ARNT2: variants seen among roughly 807,000 people sequenced by gnomAD.
ARNT2 encodes aryl hydrocarbon receptor nuclear translocator 2, also known as ARNT protein 2.
ARNT2 carries 36 observed loss-of-function variants against 91.7 expected under a neutral mutation model. The observed-to-expected ratio is 0.39, with a 90% CI of 0.30 to 0.52. The LOEUF (loss-of-function observed/expected upper bound fraction) is 0.52, where lower values mean the gene tolerates loss of function less well. ARNT2 is among the 20% of genes least tolerant of loss of function. The pLI, the probability that ARNT2 is intolerant of heterozygous loss-of-function variation, is 0.72. For synonymous variants in ARNT2, 365 were observed against 347.1 expected (o/e 1.05, Z -0.57); for missense variants, 775 against 939.3 (o/e 0.83, Z 2.29).
intron 3 of ARNT2, among the ~76,000 whole-genome samples, chr15:80,461,197 G>T (rs1359362627): frequency 1.3e-5 from 2 of 152,226 alleles, no homozygotes; most frequent in Non-Finnish European, 1.5e-5. Context: ...CCAATGTGAG[G>T]TGGCATCAAT....
rs182729913 is a variant in ARNT2 at position 80,453,129 on chromosome 15, C to T, written c.146+2135C>T. 7.2e-5 allele frequency among the ~76,000 whole-genome samples: 11 copies of T among 152,344 alleles called. No homozygotes were observed. In the East Asian group the frequency reaches 2.1e-3, roughly 29 times the overall value. ...TGTGCTTTCCTTCCCGGGTCACACA[C>T]ACAGCGTGGCACTGGAGGCAGATGT... is the stretch of plus-strand genomic sequence containing the variant. On this transcript the variant is annotated intron_variant, in intron 2 of 18. Coordinates refer to ENST00000303329, the MANE Select transcript of ARNT2 (RefSeq NM_014862.4).
At chr15:80,456,271 A>C (rs1421851987) in intron 2 of ARNT2, among the ~76,000 whole-genome samples, 1 of 89,362 alleles carries the variant, frequency 1.1e-5, no homozygotes, top group East Asian at 4.0e-4. Flanking sequence ...AGGCCCTTTA[A>C]CTGTACTTTT....
At chr15:80,505,796 GGAA>G (rs1250053794) in intron 5 of ARNT2, among the ~76,000 whole-genome samples, 2 of 152,134 alleles carry the variant, frequency 1.3e-5, no homozygotes, top group East Asian at 3.8e-4. Flanking sequence ...GCTTTGGACA[GGAA>G]GAAGAATTTG....
At chr15:80,474,611 C>T (rs1896774177) in intron 4 of ARNT2, among the ~76,000 whole-genome samples, 1 of 152,172 alleles carries the variant, frequency 6.6e-6, no homozygotes, top group South Asian at 2.1e-4. Context: ...TTCTATCTAG[C>T]ACCTTTTGTG....
intron 1 of ARNT2, among the ~76,000 whole-genome samples, chr15:80,422,734 CTAAG>C (rs987837940): frequency 6.7e-6 from 1 of 150,000 alleles, no homozygotes; most frequent in Non-Finnish European, 1.5e-5. Flanking sequence ...TAAACTTTTA[CTAAG>C]TAAGTATAAT....
chr15:80,520,730 T>C (rs1455858022), intron 8 of ARNT2, among the ~76,000 whole-genome samples: 1 of 152,174 alleles, frequency 6.6e-6, no homozygotes, highest in Admixed American at 6.5e-5. Context: ...TTTCATATAC[T>C]GACCATATTT....
intron 12 of ARNT2, among the ~76,000 whole-genome samples, chr15:80,571,167 A>G (rs1263772440): frequency 2.6e-5 from 4 of 152,218 alleles, no homozygotes; most frequent in Non-Finnish European, 4.4e-5. Context: ...CAGGCTTTTT[A>G]TAAGTATTTC....
chr15:80,569,546 A>C (rs1363441755), intron 12 of ARNT2, among the ~76,000 whole-genome samples: 2 of 152,168 alleles, frequency 1.3e-5, no homozygotes, highest in Non-Finnish European at 2.9e-5. Context: ...TCAGCTATGG[A>C]AGCAGAAACC....
Position 80,404,479 on chromosome 15 carries a change from G to A in ARNT2, c.-37G>A. Reference sequence around the variant, plus strand: ...CCGGGCTCCGCGCCGCCCCTCCCGCGCCCCTGCCAAGCGGGCGCCTATCCT... The same window carrying A: ...CCGGGCTCCGCGCCGCCCCTCCCGCACCCCTGCCAAGCGGGCGCCTATCCT... On this transcript the variant is annotated 5_prime_UTR_variant, in exon 1 of 19. Coordinates refer to ENST00000303329, the MANE Select transcript of ARNT2 (RefSeq NM_014862.4). This position sits in a 1 kb window ranked among gnomAD's most constrained non-coding sequence, Gnocchi z 5.5. The A allele has an allele frequency of 1.6e-6, 2 of 1,217,110 alleles. No homozygotes were observed. The highest frequency in any genetic ancestry group is 2.1e-6 in the Non-Finnish European group (2 of 959,388). 75.4% of individuals were successfully genotyped at this position (1,217,110 alleles called of 1,614,324 possible). A position where few individuals can be genotyped will look rare whatever the true frequency, so the allele number is the denominator to read the frequency against.
chr15:80,582,539 A>G (rs992606422), intron 17 of ARNT2, among the ~76,000 whole-genome samples: 3 of 151,900 alleles, frequency 2.0e-5, no homozygotes, highest in African/African-American at 4.8e-5. Flanking sequence ...CCCCTAGCAC[A>G]CAATGGGGAG....
At chr15:80,405,028 C>T (rs920499136) in intron 1 of ARNT2, among the ~76,000 whole-genome samples, 4 of 152,166 alleles carry the variant, frequency 2.6e-5, no homozygotes, top group African/African-American at 9.7e-5. Flanking sequence ...GCCCACTAAG[C>T]GCTGGTCCTT....
intron 4 of ARNT2, among the ~76,000 whole-genome samples, 154 bp downstream of exon 4, chr15:80,470,585 A>G (rs1896719490): frequency 6.6e-6 from 1 of 152,230 alleles, no homozygotes; most frequent in South Asian, 2.1e-4. Context: ...TGTCTTCAAA[A>G]GAGGGTTTGT....
chr15:80,508,066 G>A, intron 5 of ARNT2, 90 bp from the exon 6 acceptor site: 2 of 1,235,566 alleles, frequency 1.6e-6, no homozygotes, highest in Non-Finnish European at 2.3e-6. Flanking sequence ...TCATTTGGCA[G>A]AGCATTTGGA....
intron 14 of ARNT2, 39 bp from the exon 15 acceptor site, chr15:80,576,827 G>T: frequency 6.2e-7 from 1 of 1,610,130 alleles, no homozygotes; most frequent in Non-Finnish European, 8.5e-7. Context: ...CTGCAGAGCA[G>T]GGAACCTTCG....
chr15:80,511,059 A>G (rs1441841763), intron 6 of ARNT2, among the ~76,000 whole-genome samples: 1 of 152,184 alleles, frequency 6.6e-6, no homozygotes, highest in Non-Finnish European at 1.5e-5. Context: ...TCATTCTGTT[A>G]TAAAGACATA....
chr15:80,445,982 ACT>A (rs1488278834), intron 1 of ARNT2, among the ~76,000 whole-genome samples: 1 of 151,934 alleles, frequency 6.6e-6, no homozygotes, highest in African/African-American at 2.4e-5. Flanking sequence ...TAGCAAAATG[ACT>A]CTAAGTGGTG....
intron 17 of ARNT2, among the ~76,000 whole-genome samples, chr15:80,584,001 C>T (rs1336143026): frequency 6.6e-6 from 1 of 152,198 alleles, no homozygotes; most frequent in African/African-American, 2.4e-5. Flanking sequence ...GCCATCAGTG[C>T]ATCATGTGTT....
Position 80,421,063 on chromosome 15 carries a change from C to T in ARNT2, c.31+16517C>T, listed in dbSNP as rs140094543. On this transcript the variant is annotated intron_variant, in intron 1 of 18. Transcript: ENST00000303329. The stretch of plus-strand genomic sequence containing the variant: ...TTTGGTATATATACACCATGGAATA[C>T]TACTCAGCCATAAAAAATAACAAAA... 4.8e-3 allele frequency among the ~76,000 whole-genome samples: 724 copies of T among 152,238 alleles called. 4 individuals carry two copies. The highest frequency in any genetic ancestry group is 0.02 in the Middle Eastern group (6 of 294).
rs192825714 is a variant in ARNT2, at chr15:80,425,959, G to A, written c.31+21413G>A. Among the ~76,000 whole-genome samples the A allele has an allele frequency of 4.1e-3, 623 of 152,208 alleles. 4 individuals carry two copies. Among genetic ancestry groups the A allele is most frequent in the South Asian group, 8.3e-3 (40 of 4,826 alleles). On this transcript the variant is annotated intron_variant, in intron 1 of 18. Coordinates refer to ENST00000303329, the MANE Select transcript of ARNT2 (RefSeq NM_014862.4). Reference sequence around the variant, plus strand: ...CCCAACTACTGTGCAGAGTGAGGGGGCTGAGGTAGAAGGATCGCTTGAGCT... The same window carrying A: ...CCCAACTACTGTGCAGAGTGAGGGGACTGAGGTAGAAGGATCGCTTGAGCT...
Sources: allele counts gnomAD v4.1 joint callset (sites outside exome capture counted in the v4.1 genomes callset), GRCh38; gene constraint gnomAD v4.1.1; non-coding constraint Gnocchi (gnomAD v3.1); transcripts MANE v1.5; gene names NCBI Gene and HGNC (gene_info 2026-07-23, HGNC 2026-07-21).